The following USP34 variants were observed in gnomAD, a reference collection of about 807,000 sequenced individuals.
USP34 encodes the protein ubiquitin specific peptidase 34.
Under a neutral mutation model 460.3 loss-of-function variants are expected in USP34, and 70 were observed. The ratio of observed to expected loss-of-function variants is 0.15; its 90% CI spans 0.13 to 0.19. The LOEUF (loss-of-function observed/expected upper bound fraction) is 0.19, where lower values mean the gene tolerates loss of function less well. USP34 is among the 10% of genes least tolerant of loss of function. The probability of loss-of-function intolerance (pLI) is 1.00; values close to 1 mark genes in which losing one functional copy is unlikely to be tolerated. For synonymous variants in USP34, 1,647 were observed against 1,405.3 expected (o/e 1.17, Z -3.85); for missense variants, 3,985 against 4,236.2 (o/e 0.94, Z 1.65).
chr2:61,187,579 G>A lies in USP34; in HGVS notation c.*523C>T, dbSNP rs1161789924. On this transcript the variant is annotated 3_prime_UTR_variant, in exon 80 of 80. Coordinates refer to ENST00000398571, the MANE Select transcript of USP34 (RefSeq NM_014709.4). ...TCAAGTGTGCTTTATTTCCTCCACA[G>A]GTATTCTGTTAAATAAAGCACCATT... 2.1e-6 allele frequency: 2 copies of A among 938,134 alleles called. No individual in the cohort carries two copies. Among genetic ancestry groups the A allele is most frequent in the Admixed American group, 6.2e-5 (1 of 16,238 alleles). The allele number at this position is 938,134 out of a possible 1,614,324, so 58.1% of individuals were successfully genotyped here. A position where few individuals can be genotyped will look rare whatever the true frequency, so the allele number is the denominator to read the frequency against.
intron 1 of USP34, among the ~76,000 whole-genome samples, chr2:61,441,874 T>C (rs935566683): frequency 7.8e-5 from 9 of 115,376 alleles, no homozygotes; most frequent in Non-Finnish European, 1.2e-4. Context: ...CCTAAAAATA[T>C]ATATTGAAAG....
chr2:61,315,230 T>C (rs1171660223), intron 23 of USP34, among the ~76,000 whole-genome samples: 1 of 152,190 alleles, frequency 6.6e-6, no homozygotes, highest in Non-Finnish European at 1.5e-5. Flanking sequence ...ATTCTAGTCC[T>C]GAAAAACATA....
intron 1 of USP34, among the ~76,000 whole-genome samples, chr2:61,467,873 G>A (rs752617420): frequency 1.3e-4 from 19 of 151,814 alleles, no homozygotes; most frequent in Non-Finnish European, 2.5e-4. Context: ...CGCCCACCTC[G>A]GCCTCCCAAA....
chr2:61,389,013 AAAC>A (rs1693259390), intron 5 of USP34, among the ~76,000 whole-genome samples: 1 of 152,210 alleles, frequency 6.6e-6, no homozygotes. Flanking sequence ...CATTTAAAAA[AAAC>A]AACCAGGCAT....
At chr2:61,414,591 T>C (rs1207274421) in intron 2 of USP34, among the ~76,000 whole-genome samples, 1 of 152,170 alleles carries the variant, frequency 6.6e-6, no homozygotes, top group East Asian at 1.9e-4. Flanking sequence ...ATGTTACCAG[T>C]GGAGGCGCCC....
intron 18 of USP34, among the ~76,000 whole-genome samples, chr2:61,338,882 C>T (rs924817547): frequency 3.9e-5 from 6 of 152,150 alleles, no homozygotes; most frequent in Admixed American, 3.9e-4. Flanking sequence ...TGATGAGTTA[C>T]TAACCTAGTC....
intron 39 of USP34, among the ~76,000 whole-genome samples, chr2:61,279,149 CAAT>C (rs1479742133): frequency 6.6e-6 from 1 of 150,778 alleles, no homozygotes; most frequent in Non-Finnish European, 1.5e-5. Context: ...TTTTAATTAA[CAAT>C]AAGTATATTA....
intron 25 of USP34, among the ~76,000 whole-genome samples, chr2:61,312,444 A>G (rs973567641): frequency 1.3e-5 from 2 of 152,004 alleles, no homozygotes; most frequent in African/African-American, 2.4e-5. Flanking sequence ...TAGCATGATA[A>G]TCACTAAACA....
rs142819146 is a variant in USP34, at chr2:61,435,260, C to T, written c.44-14427G>A. Among the ~76,000 whole-genome samples the T allele has an allele frequency of 9.8e-3, 1,279 of 130,098 alleles. 14 individuals carry two copies. Among genetic ancestry groups the T allele is most frequent in the Middle Eastern group, 0.017 (3 of 176 alleles). 85.3% of individuals were successfully genotyped at this position (130,098 alleles called of 152,430 possible). A position where few individuals can be genotyped will look rare whatever the true frequency, so the allele number is the denominator to read the frequency against. On this transcript the variant is annotated intron_variant, in intron 1 of 79. Transcript: ENST00000398571. The stretch of plus-strand genomic sequence containing the variant: ...TCAAGGCTGCAATAAGCTTTAATTG[C>T]GCCACTGTATTCTATCTAGCCTGGG...
chr2:61,214,572 G>A lies in USP34; in HGVS notation c.8170C>T (p.Leu2724=), dbSNP rs1687349438. 3 of 1,613,792 alleles carry A rather than the reference G, an allele frequency of 1.9e-6. No homozygotes were observed. Among genetic ancestry groups the A allele is most frequent in the East Asian group, 4.5e-5 (2 of 44,888 alleles). Residue 2724 remains leucine (L), a synonymous_variant, in exon 68 of 80, where the codon CTA becomes TTA. Transcript: ENST00000398571. The part of the protein sequence containing the change: ...LPLSPDTTVV[L]HQVYNVLLGL... The stretch of plus-strand genomic sequence containing the variant: ...AGGAGCACGTTGTAGACCTGATGTA[G>A]GACTACTGTTGTGTCTGGACTGAGT...
At chr2:61,450,868 A>G (rs1695249860) in intron 1 of USP34, among the ~76,000 whole-genome samples, 1 of 147,446 alleles carries the variant, frequency 6.8e-6, no homozygotes, top group Non-Finnish European at 1.5e-5. Context: ...AAAAATTCCA[A>G]TAGAAACGGA....
rs964405481 is a variant in USP34 at position 61,253,694 on chromosome 2, C to T, written c.6221+2690G>A. ...ATCTAGAAAAATCCTTTGTTTGAGC[C>T]CCAAGACTCTTTCTGGCTACTATTT... On this transcript the variant is annotated intron_variant, in intron 48 of 79. Coordinates refer to ENST00000398571, the MANE Select transcript of USP34 (RefSeq NM_014709.4). 4.6e-5 allele frequency among the ~76,000 whole-genome samples: 7 copies of T among 151,910 alleles called. No homozygotes were observed. In the East Asian group the frequency reaches 7.7e-4, roughly 17 times the overall value.
chr2:61,460,675 A>T (rs1573067650), intron 1 of USP34, among the ~76,000 whole-genome samples: 1 of 152,230 alleles, frequency 6.6e-6, no homozygotes, highest in South Asian at 2.1e-4. Flanking sequence ...AATCTTACAT[A>T]GAATTTCGAT....
intron 62 of USP34, among the ~76,000 whole-genome samples, chr2:61,225,694 A>C (rs1687706145): frequency 6.6e-6 from 1 of 152,230 alleles, no homozygotes; most frequent in South Asian, 2.1e-4. Context: ...TACTAGGGCA[A>C]ATACACGATT....
chr2:61,223,399 T>C, intron 62 of USP34, 103 bp from the exon 63 acceptor site: 3 of 1,119,190 alleles, frequency 2.7e-6, no homozygotes, highest in Non-Finnish European at 2.5e-6. Context: ...ATAATTGTAT[T>C]AACCTGCCAT....
At chr2:61,357,421 T>A (rs886989508) in intron 10 of USP34, among the ~76,000 whole-genome samples, 3 of 152,000 alleles carry the variant, frequency 2.0e-5, no homozygotes, top group African/African-American at 7.3e-5. Flanking sequence ...AGAACAATGT[T>A]CAGAGGAAAA....
intron 1 of USP34, among the ~76,000 whole-genome samples, chr2:61,441,972 G>GT (rs1694979274): frequency 6.6e-6 from 1 of 152,016 alleles, no homozygotes; most frequent in East Asian, 1.9e-4. Context: ...GTTAATACAC[G>GT]TATCTACAGT....
chr2:61,374,981 C>G (rs763050778), intron 8 of USP34, among the ~76,000 whole-genome samples: 1 of 152,190 alleles, frequency 6.6e-6, no homozygotes, highest in South Asian at 2.1e-4. Flanking sequence ...GAACACCCCA[C>G]AGAATACCCC....
chr2:61,397,498 G>T (rs1231815374), intron 3 of USP34, among the ~76,000 whole-genome samples: 1 of 151,764 alleles, frequency 6.6e-6, no homozygotes, highest in Non-Finnish European at 1.5e-5. Context: ...AGGCCCGGTG[G>T]CTCACACTTA....
Sources: allele counts gnomAD v4.1 joint callset (sites outside exome capture counted in the v4.1 genomes callset), GRCh38; gene constraint gnomAD v4.1.1; transcripts MANE v1.5; gene names NCBI Gene and HGNC (gene_info 2026-07-23, HGNC 2026-07-21).